ZRANB1: variants seen among roughly 807,000 people sequenced by gnomAD.
ZRANB1 encodes ubiquitin thioesterase ZRANB1.
ZRANB1 carries 16 observed loss-of-function variants against 80.5 expected under a neutral mutation model. The observed-to-expected ratio is 0.20, with a 90% CI of 0.13 to 0.30. ZRANB1 has a LOEUF of 0.30. ZRANB1 is among the 10% of genes least tolerant of loss of function. ZRANB1 has a pLI of 1.00. For synonymous variants in ZRANB1, 291 were observed against 293.1 expected, an observed-to-expected ratio of 0.99 and a Z score of 0.07; for missense variants, 576 against 862.6, an observed-to-expected ratio of 0.67 and a Z score of 4.16.
chr10:124,933,265 T>C, the ZRANB1 span, among the ~76,000 whole-genome samples: 5 of 151,426 alleles, frequency 3.3e-5, no homozygotes, highest in East Asian at 9.7e-4. Context: ...GCCTCCTGAG[T>C]AGCTGGGGTT....
intron 2 of ZRANB1, among the ~76,000 whole-genome samples, chr10:124,970,784 G>A (rs1295127217): frequency 6.6e-6 from 1 of 150,418 alleles, no homozygotes; most frequent in Non-Finnish European, 1.5e-5. Flanking sequence ...CCAGGTTGGT[G>A]ACATCAGGGA....
In ZRANB1 at chr10:124,988,074, T is replaced by A. The variant is rs1952117653; in HGVS notation, c.*3082T>A. 1 of 152,592 alleles carries A rather than the reference T, an allele frequency of 6.6e-6. No individual in the cohort carries two copies. The highest frequency in any genetic ancestry group is 2.1e-4 in the South Asian group (1 of 4,824). 9.5% of individuals were successfully genotyped at this position (152,592 alleles called of 1,614,324 possible). On this transcript the variant is annotated 3_prime_UTR_variant, in exon 9 of 9. Transcript: ENST00000359653. ...CTAAAAGTTGAGCAACTTTGTTTTT[T>A]TTTGAATTGATTTAGCACTAACCCA...
intron 1 of ZRANB1, among the ~76,000 whole-genome samples, chr10:124,960,516 C>G (rs143994528): frequency 6.6e-6 from 1 of 152,122 alleles, no homozygotes; most frequent in Non-Finnish European, 1.5e-5. Context: ...ATTGCAGCCT[C>G]GAATTCCTGG....
chr10:124,946,731 A>G (rs187569575), intron 1 of ZRANB1, among the ~76,000 whole-genome samples: 224 of 152,318 alleles, frequency 1.5e-3, no homozygotes, highest in African/African-American at 5.1e-3. Flanking sequence ...CATAACTGAA[A>G]TATGTTAAAT....
At chr10:124,978,037 T>G (rs1951894905) in intron 5 of ZRANB1, among the ~76,000 whole-genome samples, 1 of 152,118 alleles carries the variant, frequency 6.6e-6, no homozygotes, top group South Asian at 2.1e-4. Context: ...ATTACAGTGA[T>G]CACACAGACA....
chr10:124,917,415 G>A, the ZRANB1 span: 4 of 150,914 alleles, frequency 2.7e-5, no homozygotes, highest in Admixed American at 2.6e-4. Flanking sequence ...GAGGGCAGGG[G>A]CCCGGGCCGC....
intron 4 of ZRANB1, 67 bp downstream of exon 4, chr10:124,973,783 A>G: frequency 7.1e-7 from 1 of 1,418,142 alleles, no homozygotes; most frequent in Non-Finnish European, 9.8e-7. Context: ...TTAGTAAGGC[A>G]TGGTGTAGTT....
intron 1 of ZRANB1, among the ~76,000 whole-genome samples, chr10:124,951,490 G>T (rs1951638401): frequency 6.6e-6 from 1 of 152,112 alleles, no homozygotes; most frequent in Non-Finnish European, 1.5e-5. Flanking sequence ...GACATCTTTG[G>T]GGTGACTTTT....
intron 1 of ZRANB1, among the ~76,000 whole-genome samples, chr10:124,960,971 A>G (rs529627155): frequency 1.3e-5 from 2 of 151,716 alleles, no homozygotes; most frequent in African/African-American, 4.8e-5. Flanking sequence ...TTCAAAATCT[A>G]CTTTTGGAAC....
At chr10:124,963,064 G>A (rs1280988339) in intron 1 of ZRANB1, among the ~76,000 whole-genome samples, 5 of 152,020 alleles carry the variant, frequency 3.3e-5, no homozygotes, top group Non-Finnish European at 7.4e-5. Context: ...TCAGGAGTTC[G>A]AGATCAACCT....
the ZRANB1 span, among the ~76,000 whole-genome samples, chr10:124,919,098 A>G: frequency 6.6e-6 from 1 of 152,162 alleles, no homozygotes; most frequent in Non-Finnish European, 1.5e-5. Flanking sequence ...GGGGTTATGG[A>G]TGTCACATTT....
chr10:124,939,594 A>G (rs1296688064), upstream of ZRANB1, among the ~76,000 whole-genome samples: 1 of 152,238 alleles, frequency 6.6e-6, no homozygotes, highest in Admixed American at 6.5e-5. Flanking sequence ...AGTTGCACCT[A>G]CAAACATAGT....
intron 5 of ZRANB1, among the ~76,000 whole-genome samples, chr10:124,979,024 C>A (rs1314463140): frequency 6.6e-6 from 1 of 151,892 alleles, no homozygotes; most frequent in Non-Finnish European, 1.5e-5. Context: ...CATAATGAGA[C>A]CCTGTCTGAA....
the ZRANB1 span, among the ~76,000 whole-genome samples, chr10:124,934,608 A>G: frequency 5.3e-5 from 8 of 152,216 alleles, no homozygotes; most frequent in Admixed American, 5.2e-4. Context: ...AGATGGGAAA[A>G]CTGAGGCTCA....
the ZRANB1 span, among the ~76,000 whole-genome samples, chr10:124,920,736 G>A: frequency 6.6e-6 from 1 of 151,988 alleles, no homozygotes; most frequent in Admixed American, 6.6e-5. Flanking sequence ...GTCTTCTCTT[G>A]CGTGAGACTT....
At chr10:124,966,215 T>G (rs1951774370) in intron 1 of ZRANB1, among the ~76,000 whole-genome samples, 1 of 152,142 alleles carries the variant, frequency 6.6e-6, no homozygotes, top group East Asian at 1.9e-4. Context: ...CATCCCTGTC[T>G]CCTTGGTTTC....
chr10:124,935,955 A>G, the ZRANB1 span, among the ~76,000 whole-genome samples: 1 of 152,232 alleles, frequency 6.6e-6, no homozygotes, highest in Non-Finnish European at 1.5e-5. Context: ...ATAAAGTGCC[A>G]AATGTCAATA....
At chr10:124,916,899 G>C in the ZRANB1 span, among the ~76,000 whole-genome samples, 1 of 151,894 alleles carries the variant, frequency 6.6e-6, no homozygotes. Flanking sequence ...GGTTTATTTG[G>C]CTCCGGGTCC....
At chr10:124,949,418 TATATGTATATATATATGTTTACACAC>T (rs1298289298) in intron 1 of ZRANB1, among the ~76,000 whole-genome samples, 2 of 143,034 alleles carry the variant, frequency 1.4e-5, no homozygotes, top group East Asian at 2.0e-4. Flanking sequence ...TATACACATA[TATATGTATATATATATGTTTACACAC>T]ATATGTATAT....
Sources: gnomAD v4.1 joint callset for allele counts (sites outside exome capture counted in the v4.1 genomes callset) on GRCh38, gnomAD v4.1.1 for gene constraint, MANE v1.5 for transcripts, NCBI Gene and HGNC (gene_info 2026-07-23, HGNC 2026-07-21) for gene names.